KHDRBS3: variants seen among roughly 807,000 people sequenced by gnomAD.
KHDRBS3 encodes KH RNA binding domain containing, signal transduction associated 3.
A neutral mutation model predicts 45.6 loss-of-function variants in KHDRBS3; 23 were observed. That is an observed-to-expected ratio of 0.50 (90% CI 0.36 to 0.72). KHDRBS3 has a LOEUF of 0.72. KHDRBS3 is among the 30% of genes least tolerant of loss of function. The probability of loss-of-function intolerance (pLI) is 0.00; values close to 1 mark genes in which losing one functional copy is unlikely to be tolerated. For synonymous variants in KHDRBS3, 162 were observed against 156.5 expected (o/e 1.04, Z -0.26); for missense variants, 352 against 424.8 (o/e 0.83, Z 1.51).
At chr8:135,573,876 A>G (rs1827824571) in intron 5 of KHDRBS3, among the ~76,000 whole-genome samples, 1 of 152,126 alleles carries the variant, frequency 6.6e-6, no homozygotes, top group South Asian at 2.1e-4. Context: ...GAATTATTGC[A>G]TTGTAGACCA....
chr8:135,548,664 TG>T, intron 3 of KHDRBS3, 89 bp from the exon 4 acceptor site: 3 of 1,050,598 alleles, frequency 2.9e-6, no homozygotes, highest in Non-Finnish European at 3.9e-6. Context: ...GTTTTTATTT[TG>T]GGGGTTAGTT....
Position 135,582,055 on chromosome 8 carries a change from A to G in KHDRBS3, c.789A>G (p.Gln263=). 4 of 1,578,552 alleles carry G rather than the reference A, an allele frequency of 2.5e-6. No homozygotes were observed. The highest frequency in any genetic ancestry group is 2.3e-5 in the East Asian group (1 of 43,812). The change falls in exon 6 of 9, where the codon CAA becomes CAG. Residue 263 remains glutamine, a synonymous_variant. Coordinates refer to ENST00000355849, the MANE Select transcript of KHDRBS3 (RefSeq NM_006558.3). ...GYRPPPPPPT[Q]ETYGEYDYDD... ...GACCTCCACCGCCACCCCCGACACA[A>G]GAGACTTATGGAGAATATGTAAGTG...
chr8:135,599,233 G>A lies in KHDRBS3; in HGVS notation c.808-7722G>A, dbSNP rs147687937. On this transcript the variant is annotated intron_variant, in intron 6 of 8. Transcript: ENST00000355849. The stretch of plus-strand genomic sequence containing the variant: ...AGCTCACCCCTGCCAGCTCGGTGCT[G>A]TTTCGAAGCTAAAAAGTCAGACTTG... Among the ~76,000 whole-genome samples the A allele has an allele frequency of 4.4e-4, 67 of 152,338 alleles. 1 individual carries two copies. The East Asian group carries it at 6.2e-3, about 14-fold the overall frequency.
intron 7 of KHDRBS3, among the ~76,000 whole-genome samples, chr8:135,612,193 C>G (rs1829733006): frequency 6.6e-6 from 1 of 151,814 alleles, no homozygotes; most frequent in Admixed American, 6.6e-5. Flanking sequence ...TTCAGCTCTC[C>G]TTTTGTCATG....
intron 5 of KHDRBS3, among the ~76,000 whole-genome samples, chr8:135,578,295 A>C (rs1223223513): frequency 2.6e-5 from 4 of 151,920 alleles, no homozygotes; most frequent in East Asian, 1.9e-4. Flanking sequence ...GTATCTAAAA[A>C]CTCATCACCA....
At chr8:135,606,341 A>T (rs953537345) in intron 6 of KHDRBS3, among the ~76,000 whole-genome samples, 2 of 152,032 alleles carry the variant, frequency 1.3e-5, no homozygotes, top group African/African-American at 4.8e-5. Flanking sequence ...AAGATTTTTG[A>T]TTAGCCCATT....
At chr8:135,547,547 C>G (rs924546366) in intron 3 of KHDRBS3, among the ~76,000 whole-genome samples, 14 of 152,184 alleles carry the variant, frequency 9.2e-5, no homozygotes, top group African/African-American at 3.4e-4. Context: ...ATGCCCATTT[C>G]CCGCTCTGTG....
intron 1 of KHDRBS3, among the ~76,000 whole-genome samples, chr8:135,514,268 G>C (rs1351682466): frequency 1.3e-5 from 2 of 152,232 alleles, no homozygotes; most frequent in African/African-American, 4.8e-5. Context: ...ATTAAAGGGT[G>C]TAGTCTTTAA....
At chr8:135,465,429 A>G (rs1821646555) in intron 1 of KHDRBS3, among the ~76,000 whole-genome samples, 2 of 152,230 alleles carry the variant, frequency 1.3e-5, no homozygotes, top group South Asian at 4.1e-4. Context: ...TAAATCATCT[A>G]CTTTCATTTC....
Position 135,530,608 on chromosome 8 carries a change from G to A in KHDRBS3, c.207+9253G>A, listed in dbSNP as rs142774191. Reference sequence around the variant, plus strand: ...CTGTTAGACCAAATGGCCACTGAACGCTTCCACTTGGATACCCCACAAACA... The same window carrying A: ...CTGTTAGACCAAATGGCCACTGAACACTTCCACTTGGATACCCCACAAACA... On this transcript the variant is annotated intron_variant, in intron 2 of 8. Transcript: ENST00000355849. Among the ~76,000 whole-genome samples, 693 of 151,954 alleles carry A rather than the reference G, an allele frequency of 4.6e-3. 4 individuals are homozygous for A. Among genetic ancestry groups the A allele is most frequent in the African/African-American group, 0.015 (641 of 41,444 alleles).
At chr8:135,515,223 A>G (rs935622122) in intron 1 of KHDRBS3, among the ~76,000 whole-genome samples, 6 of 151,762 alleles carry the variant, frequency 4.0e-5, no homozygotes, top group Non-Finnish European at 8.8e-5. Context: ...AAAATTAGCC[A>G]GGCGTGGTGG....
chr8:135,548,710 T>C, intron 3 of KHDRBS3, 44 bp from the exon 4 acceptor site: 2 of 1,384,496 alleles, frequency 1.4e-6, no homozygotes, highest in South Asian at 3.2e-5. Context: ...TCATTTCTTA[T>C]AATGACACGT....
At chr8:135,651,044 G>T (rs1365598962), downstream of KHDRBS3, among the ~76,000 whole-genome samples, 1 of 152,194 alleles carries the variant, frequency 6.6e-6, no homozygotes, top group Non-Finnish European at 1.5e-5. Context: ...AGCTCTGACA[G>T]AGATACATGT....
intron 1 of KHDRBS3, among the ~76,000 whole-genome samples, chr8:135,483,823 G>C (rs1020681589): frequency 6.6e-6 from 1 of 152,142 alleles, no homozygotes; most frequent in African/African-American, 2.4e-5. Flanking sequence ...CCTATCTAGG[G>C]CTGTTGGGAC....
chr8:135,654,086 AC>A (rs1408855010), intron 4 of KHDRBS3, among the ~76,000 whole-genome samples: 2 of 152,120 alleles, frequency 1.3e-5, no homozygotes, highest in Non-Finnish European at 2.9e-5. Flanking sequence ...TTAAATTATC[AC>A]TATTTTTTAC....
At chr8:135,512,824 A>G (rs1824371923) in intron 1 of KHDRBS3, among the ~76,000 whole-genome samples, 2 of 152,198 alleles carry the variant, frequency 1.3e-5, no homozygotes, top group Non-Finnish European at 2.9e-5. Flanking sequence ...ATGAAAATAT[A>G]TTCTGTTGTG....
At chr8:135,503,516 A>C (rs1164316628) in intron 1 of KHDRBS3, among the ~76,000 whole-genome samples, 1 of 151,982 alleles carries the variant, frequency 6.6e-6, no homozygotes, top group Non-Finnish European at 1.5e-5. Flanking sequence ...GGGACCCTTG[A>C]AATGGTCACA....
chr8:135,588,437 G>A (rs552532579), intron 6 of KHDRBS3, among the ~76,000 whole-genome samples: 4 of 152,198 alleles, frequency 2.6e-5, no homozygotes, highest in South Asian at 2.1e-4. Flanking sequence ...TTTAATGGAG[G>A]CATCACTACA....
chr8:135,541,411 G>GA (rs1342959260), intron 2 of KHDRBS3: 1 of 152,056 alleles, frequency 6.6e-6, no homozygotes, highest in African/African-American at 2.4e-5. Flanking sequence ...ATATTTTACT[G>GA]AAAATGGCAT....
Sources: allele counts gnomAD v4.1 joint callset (sites outside exome capture counted in the v4.1 genomes callset), GRCh38; gene constraint gnomAD v4.1.1; transcripts MANE v1.5; gene names NCBI Gene and HGNC (gene_info 2026-07-23, HGNC 2026-07-21).